The following ICA1 variants were observed in gnomAD, a reference collection of about 807,000 sequenced individuals.
ICA1 encodes the protein 69 kDa islet cell autoantigen.
In ICA1, 40 loss-of-function variants were observed where a neutral mutation model predicts 71.0. The ratio of observed to expected loss-of-function variants is 0.56; its 90% CI spans 0.44 to 0.73. ICA1 has a LOEUF of 0.73. Among genes scored for constraint, ICA1 ranks in the 30% least tolerant of loss-of-function variants. ICA1 has a pLI of 0.00. For missense variants in ICA1, 578 were observed against 576.5 expected (o/e 1.00, Z -0.03); for synonymous variants, 207 against 209.5 (o/e 0.99, Z 0.10).
At chr7:8,232,809 T>C (rs1800664854) in intron 2 of ICA1, 54 bp from the exon 3 acceptor site, 1 of 1,397,722 alleles carries the variant, frequency 7.2e-7, no homozygotes, top group South Asian at 1.6e-5. Flanking sequence ...GATTAAGATA[T>C]TTTAGTGTGA....
intron 13 of ICA1, among the ~76,000 whole-genome samples, chr7:8,127,369 G>C (rs1410716818): frequency 3.3e-5 from 5 of 152,034 alleles, no homozygotes; most frequent in African/African-American, 4.8e-5. Context: ...CTGTGTTTCG[G>C]GCAGAACCAG....
intron 8 of ICA1, among the ~76,000 whole-genome samples, chr7:8,155,689 A>G (rs1223344204): frequency 6.6e-6 from 1 of 152,192 alleles, no homozygotes; most frequent in Non-Finnish European, 1.5e-5. Flanking sequence ...AAACCCTAAA[A>G]GCCTCTGCTT....
chr7:8,175,457 G>A (rs989319217), intron 6 of ICA1, among the ~76,000 whole-genome samples: 21 of 152,082 alleles, frequency 1.4e-4, no homozygotes, highest in African/African-American at 4.8e-4. Context: ...GAATTTATAG[G>A]AGTTTAAATT....
rs75936960 is a variant in ICA1 at position 8,150,762 on chromosome 7, A to G, written c.804+6354T>C. ...CATGCTTTTTTGCCTATAAGCAAAC[A>G]CTTCAAAGTGCTATTTTTAATTGAA... On this transcript the variant is annotated intron_variant, in intron 8 of 13. Coordinates refer to ENST00000402384, the MANE Select transcript of ICA1 (RefSeq NM_001136020.3). Among the ~76,000 whole-genome samples the G allele has an allele frequency of 8.9e-3, 1,359 of 152,328 alleles. 23 individuals carry two copies. The highest frequency in any genetic ancestry group is 0.03 in the African/African-American group (1,228 of 41,566).
At position 8,168,616 on chromosome 7, in the gene ICA1, T is replaced by C. The variant is rs540721971; in HGVS notation, c.580-9964A>G. Among the ~76,000 whole-genome samples the C allele has an allele frequency of 6.6e-5, 10 of 152,274 alleles. No individual in the cohort carries two copies. The East Asian group carries it at 1.7e-3, about 26-fold the overall frequency. On this transcript the variant is annotated intron_variant, in intron 6 of 13. Coordinates refer to ENST00000402384, the MANE Select transcript of ICA1 (RefSeq NM_001136020.3). ...GATCTTATCAGTTTCAAAGTAGGCA[T>C]AGGGAAACTTCAAGCCACATAGCCT...
chr7:8,139,846 TG>T (rs1260331003), intron 10 of ICA1, among the ~76,000 whole-genome samples: 1 of 152,232 alleles, frequency 6.6e-6, no homozygotes, highest in African/African-American at 2.4e-5. Context: ...CAATAAAGTG[TG>T]TCTGTGTGTG....
intron 1 of ICA1, among the ~76,000 whole-genome samples, chr7:8,237,819 G>GACACACACACACACACAC (rs57343882): frequency 7.7e-5 from 11 of 142,166 alleles, no homozygotes; most frequent in Middle Eastern, 3.4e-3. Context: ...GTTGAAGACA[G>GACACACACACACACACAC]ACACACACAC....
intron 8 of ICA1, chr7:8,156,834 C>T: frequency 4.7e-6 from 7 of 1,485,194 alleles, no homozygotes; most frequent in Non-Finnish European, 6.2e-6. Context: ...AAGTTCACCA[C>T]AATTCATCTC....
In ICA1 at chr7:8,114,021, G is replaced by A; in HGVS notation, c.1354C>T (p.Leu452=). Residue 452 remains leucine (L), a synonymous_variant, in exon 14 of 14, where the codon CTG becomes TTG. Transcript: ENST00000402384. ...LQEPAKAASD[L]TAWFSLFADL... is the part of the protein sequence containing the mutation. ...GCGAAGAGGCTGAACCAGGCAGTCA[G>A]GTCTGAGGCAGCCTTAGCAGGTTCT... 1 of 1,614,126 alleles carries A rather than the reference G, an allele frequency of 6.2e-7. No homozygotes were observed. The highest frequency in any genetic ancestry group is 8.5e-7 in the Non-Finnish European group (1 of 1,179,998).
At chr7:8,239,213 C>A (rs1172824539) in intron 1 of ICA1, among the ~76,000 whole-genome samples, 1 of 152,168 alleles carries the variant, frequency 6.6e-6, no homozygotes, top group Non-Finnish European at 1.5e-5. Flanking sequence ...CTTAAGATTT[C>A]CTGACATAAT....
chr7:8,240,014 C>T (rs1297331691), intron 1 of ICA1, among the ~76,000 whole-genome samples: 4 of 152,190 alleles, frequency 2.6e-5, no homozygotes, highest in South Asian at 4.1e-4. Context: ...CAGACTTAAA[C>T]GTCCCTGTCT....
intron 1 of ICA1, among the ~76,000 whole-genome samples, chr7:8,255,952 G>T (rs547426778): frequency 6.6e-6 from 1 of 151,740 alleles, no homozygotes; most frequent in Non-Finnish European, 1.5e-5. Context: ...TTTTTAAATT[G>T]TTGGTAGAGA....
intron 13 of ICA1, among the ~76,000 whole-genome samples, chr7:8,121,501 G>A (rs1786920212): frequency 6.6e-6 from 1 of 152,166 alleles, no homozygotes; most frequent in Non-Finnish European, 1.5e-5. Flanking sequence ...GCCAGGCGCA[G>A]AAAGACAAAC....
chr7:8,162,204 A>T (rs1180245753), intron 6 of ICA1, among the ~76,000 whole-genome samples: 1 of 152,242 alleles, frequency 6.6e-6, no homozygotes, highest in Non-Finnish European at 1.5e-5. Context: ...GAATTAGCGT[A>T]GTTTGAAATG....
At chr7:8,257,617 T>C (rs942098926) in intron 1 of ICA1, among the ~76,000 whole-genome samples, 2 of 152,342 alleles carry the variant, frequency 1.3e-5, no homozygotes, top group African/African-American at 4.8e-5. Context: ...CAGAACTATA[T>C]TGCATTCAGT....
chr7:8,173,045 C>T lies in ICA1; in HGVS notation c.580-14393G>A, dbSNP rs994539783. On this transcript the variant is annotated intron_variant, in intron 6 of 13. Coordinates refer to ENST00000402384, the MANE Select transcript of ICA1 (RefSeq NM_001136020.3). The surrounding 1 kb of genome is among the most constrained non-coding windows in gnomAD (Gnocchi z 4.0). ...GGGCTTAGTTGCTTTGCTTTCTTTG[C>T]TTTCCCTATTAAGATTTAATCATTT... Among the ~76,000 whole-genome samples the T allele has an allele frequency of 6.6e-6, 1 of 152,130 alleles. No individual in the cohort carries two copies. Among genetic ancestry groups the T allele is most frequent in the Non-Finnish European group, 1.5e-5 (1 of 68,002 alleles).
At chr7:8,138,771 T>C in intron 12 of ICA1, 69 bp downstream of exon 12, 2 of 1,251,632 alleles carry the variant, frequency 1.6e-6, no homozygotes, top group East Asian at 4.7e-5. Context: ...GATTACACTT[T>C]CTTACATGTA....
intron 12 of ICA1, among the ~76,000 whole-genome samples, chr7:8,134,586 A>G (rs1792680045): frequency 6.6e-6 from 1 of 152,182 alleles, no homozygotes. Flanking sequence ...TAAAGGCCAC[A>G]CGCTTGCAGT....
At chr7:8,148,248 C>T (rs1797710918) in intron 8 of ICA1, among the ~76,000 whole-genome samples, 1 of 152,032 alleles carries the variant, frequency 6.6e-6, no homozygotes, top group African/African-American at 2.4e-5. Context: ...CCGGTGAGCC[C>T]ACGGTATTTG....
Sources: allele counts gnomAD v4.1 joint callset (sites outside exome capture counted in the v4.1 genomes callset), GRCh38; gene constraint gnomAD v4.1.1; non-coding constraint Gnocchi (gnomAD v3.1); transcripts MANE v1.5; gene names NCBI Gene and HGNC (gene_info 2026-07-23, HGNC 2026-07-21).